RASGRF2: variants seen among roughly 807,000 people sequenced by gnomAD.
RASGRF2 encodes ras-specific guanine nucleotide-releasing factor 2.
A neutral mutation model predicts 151.0 loss-of-function variants in RASGRF2; 76 were observed. The ratio of observed to expected loss-of-function variants is 0.50; its 90% CI spans 0.42 to 0.61. The LOEUF (loss-of-function observed/expected upper bound fraction) is 0.61, where lower values mean the gene tolerates loss of function less well. Among genes scored for constraint, RASGRF2 ranks in the 20% least tolerant of loss-of-function variants. The pLI is 0.00. For synonymous variants in RASGRF2, 504 were observed against 566.5 expected (o/e 0.89, Z 1.57); for missense variants, 1,148 against 1,564.6 (o/e 0.73, Z 4.49).
intron 1 of RASGRF2, among the ~76,000 whole-genome samples, chr5:80,973,983 T>G (rs1440594913): frequency 6.6e-6 from 1 of 152,190 alleles, no homozygotes; most frequent in Non-Finnish European, 1.5e-5. Flanking sequence ...GAAGGCCTGA[T>G]GTAGCCAATC....
intron 1 of RASGRF2, among the ~76,000 whole-genome samples, chr5:80,994,222 C>T (rs534728446): frequency 1.7e-3 from 251 of 151,918 alleles, no homozygotes; most frequent in Middle Eastern, 6.8e-3. Context: ...AAAAATTAGC[C>T]AGGCGTGGTG....
chr5:81,093,132 T>C (rs552183846), intron 10 of RASGRF2, among the ~76,000 whole-genome samples, 171 bp downstream of exon 10: 3 of 152,218 alleles, frequency 2.0e-5, no homozygotes, highest in Non-Finnish European at 4.4e-5. Context: ...TTCGTTGTCA[T>C]TTAAATTCAA....
intron 1 of RASGRF2, among the ~76,000 whole-genome samples, chr5:80,975,850 C>T (rs1007864856): frequency 4.2e-5 from 6 of 143,190 alleles, no homozygotes; most frequent in African/African-American, 8.1e-5. Context: ...TTAAAGCAAT[C>T]ATCTTTTTTT....
intron 17 of RASGRF2, among the ~76,000 whole-genome samples, chr5:81,136,774 T>C (rs1753763626): frequency 6.6e-6 from 1 of 152,142 alleles, no homozygotes. Flanking sequence ...ACAGTTCTTG[T>C]ATGTGCTCTT....
At chr5:80,971,186 C>T (rs1243066373) in intron 1 of RASGRF2, among the ~76,000 whole-genome samples, 1 of 152,202 alleles carries the variant, frequency 6.6e-6, no homozygotes, top group African/African-American at 2.4e-5. Flanking sequence ...CATATCAAGA[C>T]ATTGACACGA....
At chr5:81,166,851 G>A (rs1754523454) in intron 17 of RASGRF2, among the ~76,000 whole-genome samples, 1 of 152,128 alleles carries the variant, frequency 6.6e-6, no homozygotes, top group South Asian at 2.1e-4. Context: ...CGTTCATTGA[G>A]CTAAGCCGAT....
intron 1 of RASGRF2, chr5:80,998,109 A>G (rs1561545714): frequency 1.3e-5 from 2 of 152,224 alleles, no homozygotes; most frequent in Non-Finnish European, 2.9e-5. Flanking sequence ...TTGAGTGACC[A>G]GAACCTGAGG....
intron 26 of RASGRF2, among the ~76,000 whole-genome samples, chr5:81,224,795 C>A (rs1314823884): frequency 6.6e-6 from 1 of 152,166 alleles, no homozygotes; most frequent in Non-Finnish European, 1.5e-5. Flanking sequence ...AAGGAGTACA[C>A]ACTGTATGAT....
intron 17 of RASGRF2, among the ~76,000 whole-genome samples, chr5:81,169,612 TG>T (rs1370935265): frequency 7.2e-5 from 11 of 152,352 alleles, no homozygotes; most frequent in African/African-American, 2.6e-4. Context: ...CATCTTAACT[TG>T]GTCACATCTG....
chr5:81,036,078 T>C (rs145933006), intron 1 of RASGRF2, among the ~76,000 whole-genome samples: 3 of 152,252 alleles, frequency 2.0e-5, no homozygotes, highest in Admixed American at 2.0e-4. Context: ...ATGGAGAAAA[T>C]GTACCAACAA....
intron 18 of RASGRF2, among the ~76,000 whole-genome samples, chr5:81,190,149 C>T (rs1755125310): frequency 6.6e-6 from 1 of 152,226 alleles, no homozygotes. Context: ...TGTTCACAAA[C>T]AGATTCCCCA....
intron 1 of RASGRF2, among the ~76,000 whole-genome samples, chr5:80,964,015 T>A (rs1022553956): frequency 1.3e-3 from 189 of 142,600 alleles, no homozygotes; most frequent in Non-Finnish European, 1.7e-3. Flanking sequence ...TTTTTTTTTT[T>A]ACACTTGGAC....
intron 22 of RASGRF2, among the ~76,000 whole-genome samples, chr5:81,209,684 C>G (rs564205476): frequency 6.6e-6 from 1 of 152,170 alleles, no homozygotes; most frequent in Non-Finnish European, 1.5e-5. Flanking sequence ...AAGCAAACCT[C>G]TGTTACCTGT....
At chr5:81,053,475 A>G (rs1580257188) in intron 2 of RASGRF2, among the ~76,000 whole-genome samples, 1 of 151,954 alleles carries the variant, frequency 6.6e-6, no homozygotes, top group Non-Finnish European at 1.5e-5. Context: ...TTATGGCTGC[A>G]TAGTATTCCA....
chr5:80,984,132 C>T (rs1477628463), intron 1 of RASGRF2, among the ~76,000 whole-genome samples: 1 of 152,190 alleles, frequency 6.6e-6, no homozygotes, highest in South Asian at 2.1e-4. Flanking sequence ...GTGACCTTGG[C>T]TCACTGCAAC....
At chr5:80,995,001 A>G (rs912728076) in intron 1 of RASGRF2, among the ~76,000 whole-genome samples, 3 of 152,188 alleles carry the variant, frequency 2.0e-5, no homozygotes, top group African/African-American at 7.2e-5. Flanking sequence ...TCACACCTGT[A>G]ATCCCAGCAC....
In RASGRF2 at chr5:81,113,397, G is replaced by A; in HGVS notation, c.2088-141G>A. The A allele has an allele frequency of 2.1e-6, 2 of 973,622 alleles. 1 individual carries two copies. The highest frequency in any genetic ancestry group is 3.3e-5 in the South Asian group (2 of 59,844). 60.3% of individuals were successfully genotyped at this position (973,622 alleles called of 1,614,324 possible). ...TTGGCAGGTGGAGGGTATACATGTA[G>A]CATTTAGATTAACGGAAGTCCAGCA... is the stretch of plus-strand genomic sequence containing the variant. On this transcript the variant is annotated intron_variant, in intron 14 of 26. Transcript: ENST00000265080.
chr5:81,197,975 C>G (rs1300087294), intron 18 of RASGRF2, among the ~76,000 whole-genome samples: 1 of 151,960 alleles, frequency 6.6e-6, no homozygotes, highest in Non-Finnish European at 1.5e-5. Flanking sequence ...CCAACATTTA[C>G]CTTGAAAATT....
chr5:81,191,697 T>A (rs981243268), intron 18 of RASGRF2, among the ~76,000 whole-genome samples: 5 of 152,078 alleles, frequency 3.3e-5, no homozygotes, highest in Non-Finnish European at 7.4e-5. Flanking sequence ...TTTTTTCTGG[T>A]AAATGCTTTT....
Sources: gnomAD v4.1 joint callset for allele counts (sites outside exome capture counted in the v4.1 genomes callset) on GRCh38, gnomAD v4.1.1 for gene constraint, MANE v1.5 for transcripts, NCBI Gene and HGNC (gene_info 2026-07-23, HGNC 2026-07-21) for gene names.